CEACAM21: variants seen among roughly 807,000 people sequenced by gnomAD.
The protein encoded by CEACAM21 is CEA cell adhesion molecule 21.
CEACAM21 carries 38 observed loss-of-function variants against 33.2 expected under a neutral mutation model. That is an observed-to-expected ratio of 1.14 (90% CI 0.88 to 1.50). The LOEUF is 1.50. CEACAM21 is among the 40% of genes most tolerant of loss of function. The pLI is 0.00. For synonymous variants in CEACAM21, 156 were observed against 143.0 expected (o/e 1.09, Z -0.65); for missense variants, 385 against 364.6 (o/e 1.06, Z -0.46).
intron 3 of CEACAM21, among the ~76,000 whole-genome samples, chr19:41,581,366 A>G (rs1337261528): frequency 6.6e-6 from 1 of 152,240 alleles, no homozygotes; most frequent in Non-Finnish European, 1.5e-5. Context: ...ATCTATAGAA[A>G]CAATGCTAAT....
At chr19:41,569,503 G>T (rs1488850620) in intron 2 of CEACAM21, among the ~76,000 whole-genome samples, 1 of 152,154 alleles carries the variant, frequency 6.6e-6, no homozygotes, top group Non-Finnish European at 1.5e-5. Context: ...GCTGAGATGG[G>T]ATTGCGGGGG....
intron 4 of CEACAM21, 85 bp downstream of exon 4, chr19:41,584,528 C>T (rs184081521): frequency 7.4e-6 from 9 of 1,218,722 alleles, no homozygotes; most frequent in African/African-American, 1.5e-5. Flanking sequence ...GTATTCAGTG[C>T]CAGGCTCTCC....
At chr19:41,575,081 A>G (rs1322096464), upstream of CEACAM21, among the ~76,000 whole-genome samples, 1 of 152,242 alleles carries the variant, frequency 6.6e-6, no homozygotes, top group African/African-American at 2.4e-5. Flanking sequence ...GAAATAATCC[A>G]GAAAAAAATA....
intron 3 of CEACAM21, among the ~76,000 whole-genome samples, chr19:41,582,191 A>G (rs1303528335): frequency 6.6e-6 from 1 of 152,256 alleles, no homozygotes; most frequent in Non-Finnish European, 1.5e-5. Context: ...ATGCTCTGAA[A>G]TGATCTCCTT....
intron 1 of CEACAM21, among the ~76,000 whole-genome samples, chr19:41,557,537 A>G (rs1411434583): frequency 2.0e-5 from 3 of 152,162 alleles, no homozygotes; most frequent in African/African-American, 7.2e-5. Context: ...AACGCTGTCA[A>G]TCGACAGCTT....
At chr19:41,581,451 T>C (rs2122268499) in intron 3 of CEACAM21, among the ~76,000 whole-genome samples, 1 of 152,368 alleles carries the variant, frequency 6.6e-6, no homozygotes, top group Middle Eastern at 3.4e-3. Flanking sequence ...GTGAGAACCC[T>C]GATTTCCCAC....
chr19:41,572,462 C>G (rs1307315523), upstream of CEACAM21, among the ~76,000 whole-genome samples: 1 of 152,120 alleles, frequency 6.6e-6, no homozygotes. Context: ...TGGGAAGCTC[C>G]CTGTAAGCCG....
chr19:41,581,425 C>T (rs148076395), intron 3 of CEACAM21, among the ~76,000 whole-genome samples: 4,819 of 152,268 alleles, frequency 0.032, 259 homozygotes, highest in African/African-American at 0.11. Context: ...GTTTGGGGCT[C>T]TCAGCTCTGA....
intron 3 of CEACAM21, among the ~76,000 whole-genome samples, chr19:41,583,728 C>G (rs922048340): frequency 2.6e-5 from 4 of 152,162 alleles, no homozygotes; most frequent in African/African-American, 9.7e-5. Flanking sequence ...AAAACCCACC[C>G]TCATGATTCA....
intron 1 of CEACAM21, among the ~76,000 whole-genome samples, chr19:41,564,113 C>T (rs1191151781): frequency 1.3e-5 from 2 of 152,084 alleles, no homozygotes; most frequent in Admixed American, 6.5e-5. Context: ...AGTGGGTGAG[C>T]AATCGTAGAA....
chr19:41,553,252 C>A (rs2122156022), intron 1 of CEACAM21, among the ~76,000 whole-genome samples: 1 of 151,954 alleles, frequency 6.6e-6, no homozygotes, highest in African/African-American at 2.4e-5. Context: ...TTACAGGCAC[C>A]CGCCATCATG....
At chr19:41,556,857 T>G (rs2041563506) in intron 1 of CEACAM21, among the ~76,000 whole-genome samples, 2 of 152,260 alleles carry the variant, frequency 1.3e-5, no homozygotes, top group Non-Finnish European at 2.9e-5. Flanking sequence ...GAAGGATTTT[T>G]AATGCAAGCC....
At chr19:41,576,039 A>T (rs2042915367), upstream of CEACAM21, 1 of 580,238 alleles carries the variant, frequency 1.7e-6, no homozygotes, top group East Asian at 3.0e-5. Context: ...AAATATAGGC[A>T]AAAAGGAAGG....
intron 1 of CEACAM21, among the ~76,000 whole-genome samples, chr19:41,559,667 C>T (rs994785938): frequency 7.9e-5 from 12 of 152,068 alleles, no homozygotes; most frequent in South Asian, 2.1e-4. Context: ...TGAGAGAAGA[C>T]GCCAGTACTC....
chr19:41,567,427 A>G (rs1346363178), intron 2 of CEACAM21, among the ~76,000 whole-genome samples: 2 of 152,198 alleles, frequency 1.3e-5, no homozygotes, highest in African/African-American at 4.8e-5. Flanking sequence ...AAGCTAAACA[A>G]CCATAGATGT....
At chr19:41,585,398 G>A (rs781895474) in intron 4 of CEACAM21, 45 bp from the exon 5 acceptor site, 25 of 1,606,860 alleles carry the variant, frequency 1.6e-5, no homozygotes, top group Non-Finnish European at 2.1e-5. Flanking sequence ...TCCAATTTGT[G>A]ACTTTTAACC....
chr19:41,584,941 T>C (rs1474079887), intron 4 of CEACAM21, among the ~76,000 whole-genome samples: 2 of 152,218 alleles, frequency 1.3e-5, no homozygotes, highest in Non-Finnish European at 2.9e-5. Flanking sequence ...TATCCTGGAA[T>C]GTCGTTTATG....
intron 3 of CEACAM21, among the ~76,000 whole-genome samples, 161 bp from the exon 4 acceptor site, chr19:41,584,186 C>T (rs2070531249): frequency 6.6e-6 from 1 of 152,154 alleles, no homozygotes; most frequent in African/African-American, 2.4e-5. Flanking sequence ...AATGGTGCAA[C>T]CACGGAGAGC....
At chr19:41,579,079 C>T (rs1555792307) in intron 2 of CEACAM21, among the ~76,000 whole-genome samples, 1 of 152,150 alleles carries the variant, frequency 6.6e-6, no homozygotes, top group African/African-American at 2.4e-5. Flanking sequence ...CCAGGTATTG[C>T]ATCTCATGTG....
Sources: gnomAD v4.1 joint callset for allele counts (sites outside exome capture counted in the v4.1 genomes callset) on GRCh38, gnomAD v4.1.1 for gene constraint, MANE v1.5 for transcripts, NCBI Gene and HGNC (gene_info 2026-07-23, HGNC 2026-07-21) for gene names.